PKD1L1: variants seen among roughly 807,000 people sequenced by gnomAD.
PKD1L1 encodes the protein polycystin-1-like protein 1.
PKD1L1 carries 236 observed loss-of-function variants against 323.4 expected under a neutral mutation model. The ratio of observed to expected loss-of-function variants is 0.73; its 90% confidence interval spans 0.66 to 0.81. PKD1L1 has a LOEUF of 0.81. Among genes scored for constraint, PKD1L1 ranks in the 40% least tolerant of loss-of-function variants. PKD1L1 has a pLI of 0.00. For synonymous variants in PKD1L1, 1,344 were observed against 1,335.0 expected (o/e 1.01, Z -0.15); for missense variants, 3,320 against 3,508.0 (o/e 0.95, Z 1.35).
At chr7:47,912,596 G>A (rs544978918) in intron 8 of PKD1L1, among the ~76,000 whole-genome samples, 72 of 151,802 alleles carry the variant, frequency 4.7e-4, no homozygotes, top group African/African-American at 1.5e-3. Flanking sequence ...CGGGTGGATC[G>A]CTTGAGGTCA....
At chr7:47,813,598 C>T in intron 48 of PKD1L1, 2 of 664,640 alleles carry the variant, frequency 3.0e-6, no homozygotes, top group Middle Eastern at 2.4e-4. Flanking sequence ...GGCATACCCT[C>T]CCCATTAGAA....
chr7:47,957,289 T>TAG, the PKD1L1 span: 1 of 154,278 alleles, frequency 6.5e-6, no homozygotes, highest in Admixed American at 6.5e-5. Flanking sequence ...AATCATTCTC[T>TAG]AGTTCATTGA....
chr7:47,926,336 A>T (rs944427910), intron 7 of PKD1L1, among the ~76,000 whole-genome samples: 2 of 152,214 alleles, frequency 1.3e-5, no homozygotes, highest in Non-Finnish European at 2.9e-5. Flanking sequence ...AAATCTTTGT[A>T]TCTACCTATG....
the PKD1L1 span, among the ~76,000 whole-genome samples, chr7:47,960,508 A>T: frequency 7.2e-5 from 11 of 151,802 alleles, no homozygotes; most frequent in South Asian, 2.3e-3. Context: ...GTTTTCAGAA[A>T]TTAACGTAAA....
At chr7:47,856,622 G>A (rs531167956) in intron 28 of PKD1L1, among the ~76,000 whole-genome samples, 7 of 152,102 alleles carry the variant, frequency 4.6e-5, no homozygotes, top group East Asian at 3.8e-4. Context: ...TCACACTGCC[G>A]AGCACCCTGG....
intron 56 of PKD1L1, among the ~76,000 whole-genome samples, chr7:47,791,027 A>G (rs1786932884): frequency 6.6e-6 from 1 of 152,014 alleles, no homozygotes; most frequent in Non-Finnish European, 1.5e-5. Flanking sequence ...GAGCCACTAC[A>G]CCCACCCATG....
At chr7:47,794,256 T>G (rs1787021192) in intron 55 of PKD1L1, among the ~76,000 whole-genome samples, 2 of 152,132 alleles carry the variant, frequency 1.3e-5, no homozygotes, top group Non-Finnish European at 2.9e-5. Context: ...CAGCAGCCTC[T>G]CCCATCATAG....
At chr7:47,787,113 G>A (rs1409360117) in intron 56 of PKD1L1, among the ~76,000 whole-genome samples, 1 of 152,126 alleles carries the variant, frequency 6.6e-6, no homozygotes, top group South Asian at 2.1e-4. Context: ...CAAACGAATT[G>A]TTTCCTCAGA....
chr7:47,831,252 C>T lies in PKD1L1; in HGVS notation c.6438G>A (p.Leu2146=), dbSNP rs146082387. 2.9e-5 allele frequency: 46 copies of T among 1,613,980 alleles called. No individual in the cohort carries two copies. The highest frequency in any genetic ancestry group is 1.0e-4 in the Admixed American group (6 of 59,986). The change falls in exon 42 of 57, where the codon TTG becomes TTA. Residue 2146 remains leucine, a synonymous_variant. Transcript: ENST00000289672. ...GAAATCCTGTCCCCAAACTGCAGGCCAAAGAAGCGGTCCCACAAATGGCCC... is the reference window on the plus strand; with the variant it reads ...GAAATCCTGTCCCCAAACTGCAGGCTAAAGAAGCGGTCCCACAAATGGCCC... ...AVWAICGTAS[L]ACSLGTGFLA...
chr7:47,954,089 A>AG, the PKD1L1 span, among the ~76,000 whole-genome samples: 4 of 152,206 alleles, frequency 2.6e-5, no homozygotes, highest in Admixed American at 1.3e-4. Flanking sequence ...TTAGAAACAC[A>AG]GGGCTGTCTG....
chr7:47,779,642 T>A (rs1244890003), intron 56 of PKD1L1, among the ~76,000 whole-genome samples: 3 of 152,060 alleles, frequency 2.0e-5, no homozygotes, highest in African/African-American at 2.4e-5. Context: ...CTTTACAGAG[T>A]CTAAAAGATG....
Position 47,835,148 on chromosome 7 carries a change from G to C in PKD1L1, c.6039C>G (p.Leu2013=), listed in dbSNP as rs771344173. The C allele has an allele frequency of 1.9e-6, 3 of 1,599,506 alleles. No homozygotes were observed. Among genetic ancestry groups the C allele is most frequent in the Non-Finnish European group, 1.7e-6 (2 of 1,172,544 alleles). The change falls in exon 38 of 57, where the codon CTC becomes CTG. Residue 2013 remains leucine, a synonymous_variant. Transcript: ENST00000289672. ...ASPGAQLLSL[L]FRLSKEAPGS... is the part of the protein sequence containing the mutation. Reference sequence around the variant, plus strand: ...TCGCAGGTACCTTGCTGAGCCTGAAGAGCAGGGACAAGAGCTGGGCCCCTG... The same window carrying C: ...TCGCAGGTACCTTGCTGAGCCTGAACAGCAGGGACAAGAGCTGGGCCCCTG...
At chr7:47,804,730 C>T (rs1301299900) in intron 52 of PKD1L1, among the ~76,000 whole-genome samples, 2 of 152,200 alleles carry the variant, frequency 1.3e-5, no homozygotes, top group Non-Finnish European at 2.9e-5. Context: ...GGCAATCTGT[C>T]AGCCTTGGCC....
Position 47,775,086 on chromosome 7 carries a change from T to C in PKD1L1, c.*57A>G, listed in dbSNP as rs1786537999. 6.3e-7 allele frequency: 1 copy of C among 1,586,356 alleles called. No individual in the cohort carries two copies. Among genetic ancestry groups the C allele is most frequent in the Non-Finnish European group, 8.6e-7 (1 of 1,163,220 alleles). On this transcript the variant is annotated 3_prime_UTR_variant, in exon 57 of 57. Transcript: ENST00000289672. ...AACTAGGATGTCTGCTAAAATTGGC[T>C]GTTGGGTGGGTTAAGCAAAACAGGG...
At chr7:47,875,105 G>A (rs531081655) in intron 23 of PKD1L1, among the ~76,000 whole-genome samples, 67 of 152,282 alleles carry the variant, frequency 4.4e-4, no homozygotes, top group African/African-American at 1.5e-3. Context: ...ACATAACCCC[G>A]TACGCAGCTT....
At chr7:47,901,686 C>T (rs190192064) in intron 13 of PKD1L1, among the ~76,000 whole-genome samples, 62 of 152,300 alleles carry the variant, frequency 4.1e-4, no homozygotes, top group Admixed American at 1.2e-3. Flanking sequence ...CGGATTGCCC[C>T]GGGCACTTGG....
intron 21 of PKD1L1, among the ~76,000 whole-genome samples, chr7:47,880,284 A>ATATATTTTTTTTTTT (rs1225214936): frequency 1.8e-5 from 1 of 56,780 alleles, no homozygotes; most frequent in Non-Finnish European, 2.8e-5. Flanking sequence ...ATATATATAT[A>ATATATTTTTTTTTTT]TTTTTTTTTT....
At position 47,877,580 on chromosome 7, in the gene PKD1L1, G is replaced by A. The variant is rs377756992; in HGVS notation, c.3572C>T (p.Pro1191Leu). The A allele has an allele frequency of 3.7e-6, 6 of 1,614,134 alleles. No homozygotes were observed. Among genetic ancestry groups the A allele is most frequent in the South Asian group, 2.2e-5 (2 of 91,072 alleles). The change falls in exon 22 of 57, where the codon CCG (proline) becomes CTG (leucine). Residue 1191 changes from proline to leucine, a missense_variant. Transcript: ENST00000289672. ...CTGACAGGCCATGTCCCGAGGAGCC[G>A]GGTTGACTGTCAAGTACAGCTGAGC... ...GKAQLYLTVN[P>L]APRDMACQVQ...
At chr7:47,936,710 A>T in intron 4 of PKD1L1, 136 bp downstream of exon 4, 1 of 649,906 alleles carries the variant, frequency 1.5e-6, no homozygotes, top group Non-Finnish European at 2.7e-6. Flanking sequence ...CCATCAATTT[A>T]AGAGCTGCAT....
Sources: gnomAD v4.1 joint callset for allele counts (sites outside exome capture counted in the v4.1 genomes callset) on GRCh38, gnomAD v4.1.1 for gene constraint, MANE v1.5 for transcripts, NCBI Gene and HGNC (gene_info 2026-07-23, HGNC 2026-07-21) for gene names.